The following MCC variants were observed in gnomAD, a reference collection of about 807,000 sequenced individuals.
The protein encoded by MCC is colorectal mutant cancer protein.
MCC carries 90 observed loss-of-function variants against 116.2 expected under a neutral mutation model. The observed-to-expected ratio is 0.77, with a 90% CI of 0.65 to 0.92. MCC has a LOEUF of 0.92. MCC is among the 40% of genes least tolerant of loss of function. The pLI is 0.00. For synonymous variants in MCC, 578 were observed against 510.5 expected (o/e 1.13, Z -1.78); for missense variants, 1,516 against 1,312.2 (o/e 1.16, Z -2.40).
intron 2 of MCC, among the ~76,000 whole-genome samples, chr5:113,345,377 C>A (rs1768110000): frequency 6.6e-6 from 1 of 152,198 alleles, no homozygotes; most frequent in Non-Finnish European, 1.5e-5. Flanking sequence ...GCTGGTTTCC[C>A]AAACTGCTGA....
intron 3 of MCC, among the ~76,000 whole-genome samples, chr5:113,202,031 C>T (rs539455561): frequency 2.0e-5 from 3 of 152,270 alleles, no homozygotes; most frequent in African/African-American, 7.2e-5. Flanking sequence ...ACAACCCAGT[C>T]AACAGCAAGC....
At chr5:113,337,902 T>A (rs1767908616) in intron 3 of MCC, among the ~76,000 whole-genome samples, 1 of 152,206 alleles carries the variant, frequency 6.6e-6, no homozygotes. Context: ...CTACAGACCC[T>A]TCTGAGTAGA....
At chr5:113,214,476 C>T (rs1010796490) in intron 3 of MCC, among the ~76,000 whole-genome samples, 1 of 152,192 alleles carries the variant, frequency 6.6e-6, no homozygotes, top group Admixed American at 6.5e-5. Flanking sequence ...ACTTGAGAAT[C>T]TAAGAGATAA....
Position 113,308,708 on chromosome 5 carries a change from C to T in MCC, c.627+31811G>A, listed in dbSNP as rs182992798. ...CAGGCCTGGTCCCAGCTACTCAGGA[C>T]GCTGAAGTGGGAGGATTGCTTGAGT... On this transcript the variant is annotated intron_variant, in intron 3 of 18. Coordinates refer to ENST00000408903, the MANE Select transcript of MCC (RefSeq NM_001085377.2). Among the ~76,000 whole-genome samples, 154 of 152,004 alleles carry T rather than the reference C, an allele frequency of 1.0e-3. 1 individual carries two copies. The highest frequency in any genetic ancestry group is 1.9e-3 in the Non-Finnish European group (129 of 67,978).
intron 3 of MCC, among the ~76,000 whole-genome samples, chr5:113,292,243 T>C (rs1388630577): frequency 1.3e-5 from 2 of 151,760 alleles, no homozygotes; most frequent in Non-Finnish European, 2.9e-5. Context: ...AAAAAATAAA[T>C]AAATAAAAAT....
intron 3 of MCC, among the ~76,000 whole-genome samples, chr5:113,260,485 G>C (rs529992455): frequency 6.6e-6 from 1 of 152,060 alleles, no homozygotes; most frequent in Non-Finnish European, 1.5e-5. Context: ...ATAAACAGTT[G>C]GAAAATGAAG....
intron 6 of MCC, among the ~76,000 whole-genome samples, chr5:113,117,218 C>G (rs1253637236): frequency 1.3e-5 from 2 of 152,230 alleles, no homozygotes; most frequent in Non-Finnish European, 2.9e-5. Flanking sequence ...CTGCTTGACA[C>G]TTGTAAACAT....
At chr5:113,130,295 A>T (rs1758344068) in intron 5 of MCC, among the ~76,000 whole-genome samples, 1 of 152,138 alleles carries the variant, frequency 6.6e-6, no homozygotes, top group African/African-American at 2.4e-5. Context: ...ATGAGAACAT[A>T]TGGGCACAGG....
chr5:113,024,833 T>C lies in MCC; in HGVS notation c.*2469A>G, dbSNP rs536183054. ...TTCAAGGATTGTGTCTTGGGGAGTATTTGAAAAATACAAGAAAAGGAAAAA... is the reference window on the plus strand; with the variant it reads ...TTCAAGGATTGTGTCTTGGGGAGTACTTGAAAAATACAAGAAAAGGAAAAA... On this transcript the variant is annotated 3_prime_UTR_variant, in exon 19 of 19. Transcript: ENST00000408903. 1.3e-5 allele frequency: 2 copies of C among 152,300 alleles called. No homozygotes were observed. Among genetic ancestry groups the C allele is most frequent in the East Asian group, 3.9e-4 (2 of 5,190 alleles). 9.4% of individuals were successfully genotyped at this position (152,300 alleles called of 1,614,324 possible). A position where few individuals can be genotyped will look rare whatever the true frequency, so the allele number is the denominator to read the frequency against.
intron 5 of MCC, among the ~76,000 whole-genome samples, chr5:113,123,624 T>C (rs1224297629): frequency 6.6e-6 from 1 of 152,200 alleles, no homozygotes; most frequent in Non-Finnish European, 1.5e-5. Flanking sequence ...CTGAGAAACT[T>C]AGAATTGCAG....
intron 6 of MCC, among the ~76,000 whole-genome samples, chr5:113,115,376 C>T (rs1336204260): frequency 1.3e-5 from 2 of 152,196 alleles, no homozygotes; most frequent in African/African-American, 4.8e-5. Context: ...TCAAAGCAAT[C>T]GAGGCTGCAT....
chr5:113,304,989 C>T (rs553059328), intron 3 of MCC, among the ~76,000 whole-genome samples: 1 of 150,482 alleles, frequency 6.6e-6, no homozygotes, highest in Non-Finnish European at 1.5e-5. Flanking sequence ...TAGAATGTTA[C>T]GGCAGCTACC....
intron 3 of MCC, among the ~76,000 whole-genome samples, chr5:113,189,608 G>A (rs1332412804): frequency 6.6e-6 from 1 of 152,076 alleles, no homozygotes; most frequent in Non-Finnish European, 1.5e-5. Flanking sequence ...CCCCTTTATA[G>A]TCACACGATA....
chr5:113,054,609 A>G lies in MCC; in HGVS notation c.2214-650T>C, dbSNP rs149622125. On this transcript the variant is annotated intron_variant, in intron 14 of 18. Transcript: ENST00000408903. ...TGTGTTTACTTCTGTTGTTTGCAAC[A>G]TGTACCATGAAAAACACAGGGGTGC... 5.6e-3 allele frequency among the ~76,000 whole-genome samples: 852 copies of G among 152,298 alleles called. 5 individuals are homozygous for G. The highest frequency in any genetic ancestry group is 0.02 in the African/African-American group (811 of 41,562).
intron 3 of MCC, among the ~76,000 whole-genome samples, chr5:113,171,527 G>A (rs1761071698): frequency 6.6e-6 from 1 of 151,866 alleles, no homozygotes; most frequent in Non-Finnish European, 1.5e-5. Context: ...GCTCATTTTT[G>A]TATTTTTAAT....
At chr5:113,076,149 C>A (rs776287363) in intron 11 of MCC, among the ~76,000 whole-genome samples, 2 of 151,976 alleles carry the variant, frequency 1.3e-5, no homozygotes, top group Non-Finnish European at 2.9e-5. Flanking sequence ...ATACTGGACA[C>A]AGGACTATGT....
intron 3 of MCC, among the ~76,000 whole-genome samples, chr5:113,182,536 C>T (rs552076450): frequency 6.6e-6 from 1 of 152,170 alleles, no homozygotes; most frequent in East Asian, 1.9e-4. Flanking sequence ...GCGGAGGTTG[C>T]ACTGAGCCAA....
intron 3 of MCC, among the ~76,000 whole-genome samples, chr5:113,266,869 C>T (rs1177577282): frequency 6.6e-6 from 1 of 151,862 alleles, no homozygotes; most frequent in Non-Finnish European, 1.5e-5. Flanking sequence ...CTCAAGGGAA[C>T]ACAATGGGTC....
intron 3 of MCC, among the ~76,000 whole-genome samples, chr5:113,177,716 T>A (rs1761408344): frequency 6.6e-6 from 1 of 152,218 alleles, no homozygotes; most frequent in African/African-American, 2.4e-5. Context: ...CATGTTTGCA[T>A]TTTTCTTTAA....
Sources: allele counts gnomAD v4.1 joint callset (sites outside exome capture counted in the v4.1 genomes callset), GRCh38; gene constraint gnomAD v4.1.1; transcripts MANE v1.5; gene names NCBI Gene and HGNC (gene_info 2026-07-23, HGNC 2026-07-21).